MACROD2: variants seen among roughly 807,000 people sequenced by gnomAD.
MACROD2 encodes the protein mono-ADP ribosylhydrolase 2, also known as ADP-ribose glycohydrolase MACROD2.
A neutral mutation model predicts 70.4 loss-of-function variants in MACROD2; 36 were observed. That is an observed-to-expected ratio of 0.51 (90% CI 0.39 to 0.68). MACROD2 has a LOEUF of 0.68. Among genes scored for constraint, MACROD2 ranks in the 30% least tolerant of loss-of-function variants. The pLI, the probability that MACROD2 is intolerant of heterozygous loss-of-function variation, is 0.00. For synonymous variants in MACROD2, 172 were observed against 178.8 expected (o/e 0.96, Z 0.30); for missense variants, 496 against 538.4 (o/e 0.92, Z 0.78).
intron 5 of MACROD2, among the ~76,000 whole-genome samples, chr20:15,029,647 C>T (rs1401785794): frequency 1.3e-5 from 2 of 152,114 alleles, no homozygotes; most frequent in Non-Finnish European, 2.9e-5. Flanking sequence ...CACCCTCTAC[C>T]AATCATTATA....
chr20:14,546,300 G>A (rs1440237008), intron 4 of MACROD2, among the ~76,000 whole-genome samples: 5 of 152,114 alleles, frequency 3.3e-5, no homozygotes, highest in Non-Finnish European at 7.4e-5. Flanking sequence ...CTATAACCTA[G>A]TTATAGCAAT....
At chr20:15,563,953 A>G (rs1370249668) in intron 8 of MACROD2, among the ~76,000 whole-genome samples, 3 of 152,196 alleles carry the variant, frequency 2.0e-5, no homozygotes, top group Admixed American at 1.3e-4. Flanking sequence ...GTTATTTCAT[A>G]TTATTAAATG....
chr20:15,588,635 C>A (rs1037832892), intron 8 of MACROD2, among the ~76,000 whole-genome samples: 5 of 152,266 alleles, frequency 3.3e-5, no homozygotes, highest in Middle Eastern at 3.4e-3. Context: ...TACCCTAAAT[C>A]ATCTTTCTCA....
At chr20:14,828,047 C>T (rs1376869774) in intron 5 of MACROD2, among the ~76,000 whole-genome samples, 1 of 151,902 alleles carries the variant, frequency 6.6e-6, no homozygotes, top group African/African-American at 2.4e-5. Flanking sequence ...TTCGGGAAGG[C>T]ATAATAAAGA....
chr20:15,794,466 C>T (rs1394071549), intron 8 of MACROD2, among the ~76,000 whole-genome samples: 4 of 152,152 alleles, frequency 2.6e-5, no homozygotes, highest in Non-Finnish European at 4.4e-5. Context: ...TGCACTAGAC[C>T]GTGTCGGCAG....
intron 2 of MACROD2, among the ~76,000 whole-genome samples, chr20:14,029,223 C>T (rs1471040842): frequency 1.3e-5 from 2 of 152,176 alleles, no homozygotes; most frequent in Non-Finnish European, 2.9e-5. Context: ...TCATTGTCAC[C>T]ACCTCTTCAG....
chr20:15,057,816 G>A (rs1211189286), intron 5 of MACROD2, among the ~76,000 whole-genome samples: 2 of 152,140 alleles, frequency 1.3e-5, no homozygotes, highest in Non-Finnish European at 2.9e-5. Context: ...GGATTCATGG[G>A]ACAGAAAAGA....
intron 2 of MACROD2, among the ~76,000 whole-genome samples, chr20:14,085,215 A>G (rs1323161884): frequency 2.0e-5 from 3 of 151,062 alleles, no homozygotes; most frequent in Non-Finnish European, 4.4e-5. Context: ...TTTTTGCTCA[A>G]ATATATATAT....
chr20:15,635,397 A>G (rs1600695988), intron 8 of MACROD2, among the ~76,000 whole-genome samples: 1 of 152,160 alleles, frequency 6.6e-6, no homozygotes, highest in African/African-American at 2.4e-5. Context: ...GTCCATTTCT[A>G]TTTTCAATTT....
At chr20:15,679,088 T>C (rs2050121454) in intron 8 of MACROD2, among the ~76,000 whole-genome samples, 1 of 151,856 alleles carries the variant, frequency 6.6e-6, no homozygotes, top group Non-Finnish European at 1.5e-5. Context: ...AATACAAAAA[T>C]TAGCTGGGTG....
At chr20:14,356,456 A>T (rs534679553) in intron 3 of MACROD2, among the ~76,000 whole-genome samples, 2 of 151,032 alleles carry the variant, frequency 1.3e-5, no homozygotes, top group East Asian at 3.9e-4. Flanking sequence ...TCCACAGGGC[A>T]TCAACTGAGA....
At chr20:14,661,754 T>G (rs1445442909) in intron 4 of MACROD2, among the ~76,000 whole-genome samples, 1 of 152,082 alleles carries the variant, frequency 6.6e-6, no homozygotes, top group Non-Finnish European at 1.5e-5. Context: ...TCCTATATTT[T>G]ATTAATAAAT....
intron 3 of MACROD2, among the ~76,000 whole-genome samples, chr20:14,461,389 C>A (rs561788067): frequency 6.6e-6 from 1 of 151,812 alleles, no homozygotes; most frequent in Non-Finnish European, 1.5e-5. Flanking sequence ...CCTGGATTCA[C>A]TGATTTTTTT....
chr20:16,036,088 G>C (rs945227673), intron 15 of MACROD2, among the ~76,000 whole-genome samples: 2 of 152,074 alleles, frequency 1.3e-5, no homozygotes, highest in African/African-American at 4.8e-5. Flanking sequence ...AAGTTGTCAA[G>C]GTGGTTCAAG....
chr20:14,656,665 G>A (rs973710737), intron 4 of MACROD2, among the ~76,000 whole-genome samples: 3 of 152,130 alleles, frequency 2.0e-5, no homozygotes, highest in Admixed American at 1.3e-4. Context: ...GCGTGTCTCC[G>A]AGTTGTTGCT....
Position 15,074,490 on chromosome 20 carries a change from C to A in MACROD2, c.419-155450C>A, listed in dbSNP as rs77001102. Among the ~76,000 whole-genome samples the A allele has an allele frequency of 2.4e-3, 359 of 152,212 alleles. 15 individuals are homozygous for A. The East Asian group carries it at 0.061, about 26-fold the overall frequency. ...TTTTGTAATGTCCTATAAATTGCAC[C>A]CGAGGAGGAGGTTGTGGGAACCTCG... On this transcript the variant is annotated intron_variant, in intron 5 of 17. Transcript: ENST00000684519.
intron 5 of MACROD2, among the ~76,000 whole-genome samples, chr20:15,127,576 G>C (rs2076076110): frequency 6.6e-6 from 1 of 152,014 alleles, no homozygotes; most frequent in African/African-American, 2.4e-5. Flanking sequence ...CTATTTCAAG[G>C]CTTACTGATG....
chr20:15,347,669 T>C (rs1202301698), intron 6 of MACROD2, among the ~76,000 whole-genome samples: 2 of 152,194 alleles, frequency 1.3e-5, no homozygotes, highest in East Asian at 1.9e-4. Context: ...ACTTATAATA[T>C]AATATGATAT....
intron 3 of MACROD2, chr20:14,323,215 GC>G: frequency 6.6e-6 from 1 of 152,280 alleles, no homozygotes; most frequent in African/African-American, 2.4e-5. Context: ...GACACCAGTT[GC>G]AAGACTAGTC....
Sources: allele counts gnomAD v4.1 joint callset (sites outside exome capture counted in the v4.1 genomes callset), GRCh38; gene constraint gnomAD v4.1.1; transcripts MANE v1.5; gene names NCBI Gene and HGNC (gene_info 2026-07-23, HGNC 2026-07-21).